DLC1: variants seen among roughly 807,000 people sequenced by gnomAD.
The protein encoded by DLC1 is rho GTPase-activating protein 7.
A neutral mutation model predicts 140.3 loss-of-function variants in DLC1; 54 were observed. That is an observed-to-expected ratio of 0.38 (90% confidence interval 0.31 to 0.48). The LOEUF (loss-of-function observed/expected upper bound fraction) is 0.48. Ranked by LOEUF, DLC1 falls within the 20% of genes least tolerant of loss-of-function variation. The pLI, the probability that DLC1 is intolerant of heterozygous loss-of-function variation, is 0.96. For missense variants in DLC1, 2,536 were observed against 1,907.0 expected (o/e 1.33, Z -6.14); for synonymous variants, 986 against 728.1 (o/e 1.35, Z -5.70).
chr8:13,247,239 A>AC (rs1210328096), intron 5 of DLC1, among the ~76,000 whole-genome samples: 4 of 152,222 alleles, frequency 2.6e-5, no homozygotes, highest in Non-Finnish European at 5.9e-5. Context: ...AAAACTTCAG[A>AC]CACTGCCAGA....
chr8:13,195,001 T>G (rs906698983), intron 5 of DLC1, among the ~76,000 whole-genome samples: 1 of 152,104 alleles, frequency 6.6e-6, no homozygotes, highest in Non-Finnish European at 1.5e-5. Flanking sequence ...CAGAGCAAGA[T>G]CCTGTCTCAA....
intron 1 of DLC1, among the ~76,000 whole-genome samples, chr8:13,595,413 A>G (rs1585314947): frequency 6.6e-6 from 1 of 152,098 alleles, no homozygotes; most frequent in African/African-American, 2.4e-5. Context: ...GAAATTGTAT[A>G]TCTTTTAGTA....
intron 5 of DLC1, among the ~76,000 whole-genome samples, chr8:13,221,096 C>G (rs533989240): frequency 6.6e-6 from 1 of 152,170 alleles, no homozygotes; most frequent in Non-Finnish European, 1.5e-5. Flanking sequence ...CAGTTTTTAG[C>G]CACTTTCAAC....
Position 13,514,618 on chromosome 8 carries a change from T to C in DLC1, c.-142A>G, listed in dbSNP as rs572591253. The C allele has an allele frequency of 1.0e-5, 4 of 398,552 alleles. No homozygotes were observed. In the East Asian group the frequency reaches 1.4e-4, roughly 14 times the overall value. The allele number at this position is 398,552 out of a possible 1,614,324, so 24.7% of individuals were successfully genotyped here. A position where few individuals can be genotyped will look rare whatever the true frequency, so the allele number is the denominator to read the frequency against. ...GCGTCTTACCTAGACAACGAGGAGC[T>C]GAAACGCCAAGGCATGACACTGCTC... is the stretch of plus-strand genomic sequence containing the variant. On this transcript the variant is annotated 5_prime_UTR_variant, in exon 1 of 18. Coordinates refer to ENST00000276297, the MANE Select transcript of DLC1 (RefSeq NM_182643.3).
chr8:13,089,249 C>A (rs1048405679), intron 15 of DLC1, among the ~76,000 whole-genome samples: 3 of 147,302 alleles, frequency 2.0e-5, no homozygotes, highest in African/African-American at 7.5e-5. Context: ...GAGAATGAAA[C>A]TCCATCTCAA....
intron 1 of DLC1, chr8:13,583,831 C>A (rs1805205752): frequency 6.6e-6 from 1 of 152,252 alleles, no homozygotes; most frequent in African/African-American, 2.4e-5. Flanking sequence ...GTGTCCTTGG[C>A]TTTTTCAGTA....
intron 4 of DLC1, among the ~76,000 whole-genome samples, chr8:13,380,626 G>A (rs964498931): frequency 7.2e-5 from 11 of 152,134 alleles, no homozygotes; most frequent in South Asian, 4.1e-4. Flanking sequence ...TACATTCCTC[G>A]AAGTGTTCTT....
intron 5 of DLC1, among the ~76,000 whole-genome samples, chr8:13,286,965 C>G (rs1455622764): frequency 6.6e-6 from 1 of 152,104 alleles, no homozygotes; most frequent in South Asian, 2.1e-4. Context: ...GTTGAGCACT[C>G]TAGAGACTGA....
chr8:13,346,865 A>C (rs1834364771), intron 4 of DLC1, among the ~76,000 whole-genome samples: 1 of 152,238 alleles, frequency 6.6e-6, no homozygotes, highest in Non-Finnish European at 1.5e-5. Context: ...AGACAACAGC[A>C]GTCCCCATTT....
rs869198363 is a variant in DLC1, at chr8:13,496,785, CCTTTTTT to C, written c.1023+2257_1023+2263del. Among the ~76,000 whole-genome samples the C allele has an allele frequency of 2.3e-3, 20 of 8,652 alleles. 6 individuals are homozygous for C. Among genetic ancestry groups the C allele is most frequent in the African/African-American group, 2.8e-3 (10 of 3,606 alleles). 5.7% of individuals were successfully genotyped at this position (8,652 alleles called of 152,430 possible). The stretch of plus-strand genomic sequence containing the variant: ...TAATTAACAAATTCTTAGACCATTT[CCTTTTTT>C]TTTTTTTTTTTTTTTTTTTTTTTTT... On this transcript the variant is annotated intron_variant, in intron 2 of 17. Transcript: ENST00000276297.
chr8:13,234,188 AG>A (rs779717724), intron 5 of DLC1, among the ~76,000 whole-genome samples: 1 of 152,164 alleles, frequency 6.6e-6, no homozygotes, highest in Non-Finnish European at 1.5e-5. Context: ...TAGGAAATAC[AG>A]GGAAAATGTG....
At chr8:13,195,841 G>A (rs190473062) in intron 5 of DLC1, among the ~76,000 whole-genome samples, 6 of 151,904 alleles carry the variant, frequency 3.9e-5, no homozygotes, top group South Asian at 2.1e-4. Context: ...TTGGATTTTC[G>A]GAATCATTTA....
In DLC1 at chr8:13,364,352, G is replaced by A. The variant is rs116866545; in HGVS notation, c.1314+29201C>T. ...CTTGCTCTGTTGCACAGGTTGGAGT[G>A]CAGTGGCATGATCTTAGCTCACTAC... is the stretch of plus-strand genomic sequence containing the variant. On this transcript the variant is annotated intron_variant, in intron 4 of 17. Coordinates refer to ENST00000276297, the MANE Select transcript of DLC1 (RefSeq NM_182643.3). Among the ~76,000 whole-genome samples the A allele has an allele frequency of 1.6e-3, 241 of 150,288 alleles. 9 individuals carry two copies. The East Asian group carries it at 0.044, about 27-fold the overall frequency.
intron 5 of DLC1, among the ~76,000 whole-genome samples, chr8:13,239,214 G>C (rs991345793): frequency 6.6e-6 from 1 of 152,146 alleles, no homozygotes; most frequent in Admixed American, 6.5e-5. Context: ...CAGTTGTTAG[G>C]TGCAAATGGC....
At chr8:13,144,144 G>T (rs1001079060) in intron 5 of DLC1, among the ~76,000 whole-genome samples, 5 of 152,150 alleles carry the variant, frequency 3.3e-5, no homozygotes, top group African/African-American at 1.2e-4. Flanking sequence ...ACCCAATTTG[G>T]ACAGGCACTG....
intron 4 of DLC1, among the ~76,000 whole-genome samples, chr8:13,382,323 C>A (rs941094717): frequency 6.6e-6 from 1 of 150,964 alleles, no homozygotes; most frequent in African/African-American, 2.4e-5. Context: ...CTGGCTAACA[C>A]GTTGAAACCC....
At chr8:13,542,467 A>AT (rs560898479) in intron 1 of DLC1, among the ~76,000 whole-genome samples, 46 of 149,914 alleles carry the variant, frequency 3.1e-4, no homozygotes, top group East Asian at 1.2e-3. Context: ...ATTAAGTCTG[A>AT]TTTTTTTTTT....
chr8:13,596,369 A>G lies in DLC1; in HGVS notation c.-126+8168T>C, dbSNP rs561596503. ...GCCCCTCAGTCCTGTGATTCTAAAC[A>G]TCTTGAAGAAACAGACTTCAGCCTC... On this transcript the variant is annotated intron_variant, in intron 1 of 1. Transcript: ENST00000631382. Among the ~76,000 whole-genome samples the G allele has an allele frequency of 4.6e-5, 7 of 152,124 alleles. No individual in the cohort carries two copies. In the East Asian group the frequency reaches 9.7e-4, roughly 21 times the overall value.
intron 1 of DLC1, among the ~76,000 whole-genome samples, chr8:13,552,695 T>TA: frequency 6.6e-6 from 1 of 151,864 alleles, no homozygotes; most frequent in East Asian, 1.9e-4. Context: ...ACAAAATTAC[T>TA]ACAGGAAAAT....
Sources: gnomAD v4.1 joint callset for allele counts (sites outside exome capture counted in the v4.1 genomes callset) on GRCh38, gnomAD v4.1.1 for gene constraint, MANE v1.5 for transcripts, NCBI Gene and HGNC (gene_info 2026-07-23, HGNC 2026-07-21) for gene names.